The following NRG3 variants were observed in gnomAD, a reference collection of about 807,000 sequenced individuals.
NRG3 encodes neuregulin 3, also known as pro-neuregulin-3, membrane-bound isoform.
Under a neutral mutation model 66.9 loss-of-function variants are expected in NRG3, and 31 were observed. That is an observed-to-expected ratio of 0.46 (90% CI 0.35 to 0.63). The LOEUF (loss-of-function observed/expected upper bound fraction) is 0.63. Among genes scored for constraint, NRG3 ranks in the 20% least tolerant of loss-of-function variants. The pLI is 0.00. For missense variants in NRG3, 910 were observed against 878.9 expected (o/e 1.04, Z -0.45); for synonymous variants, 393 against 359.4 (o/e 1.09, Z -1.06).
chr10:82,226,484 T>C (rs1270076672), intron 1 of NRG3, among the ~76,000 whole-genome samples: 1 of 152,156 alleles, frequency 6.6e-6, no homozygotes, highest in African/African-American at 2.4e-5. Context: ...CTGTACCTAT[T>C]AGCTATTTGA....
At chr10:82,635,023 C>T (rs1425503145) in intron 2 of NRG3, among the ~76,000 whole-genome samples, 1 of 152,032 alleles carries the variant, frequency 6.6e-6, no homozygotes, top group African/African-American at 2.4e-5. Context: ...ATTAACAGAA[C>T]TAGAAAGAAT....
chr10:82,038,488 T>C (rs2062891734), intron 1 of NRG3, among the ~76,000 whole-genome samples: 1 of 152,122 alleles, frequency 6.6e-6, no homozygotes, highest in Non-Finnish European at 1.5e-5. Flanking sequence ...GGGGCAATGC[T>C]CATAAGTAAG....
At chr10:82,320,905 G>C (rs893336716) in intron 1 of NRG3, among the ~76,000 whole-genome samples, 1 of 152,144 alleles carries the variant, frequency 6.6e-6, no homozygotes, top group Non-Finnish European at 1.5e-5. Context: ...ACGAGCAGAA[G>C]AGCACGAGAG....
At chr10:82,614,599 T>G (rs2048520908) in intron 2 of NRG3, among the ~76,000 whole-genome samples, 1 of 152,168 alleles carries the variant, frequency 6.6e-6, no homozygotes, top group South Asian at 2.1e-4. Flanking sequence ...TCAAGGAAAC[T>G]GAAATTAACA....
chr10:82,213,923 C>T (rs183339365), intron 1 of NRG3, among the ~76,000 whole-genome samples: 14 of 152,094 alleles, frequency 9.2e-5, no homozygotes, highest in Non-Finnish European at 1.9e-4. Context: ...TGGTAAGAAC[C>T]CTGGTTCTGT....
chr10:82,741,476 G>C (rs1169434395), intron 3 of NRG3, among the ~76,000 whole-genome samples: 1 of 152,164 alleles, frequency 6.6e-6, no homozygotes, highest in Non-Finnish European at 1.5e-5. Context: ...CAGAGTCAAT[G>C]CCAGATAATG....
chr10:81,903,788 T>C (rs1844307344), intron 1 of NRG3, among the ~76,000 whole-genome samples: 1 of 152,174 alleles, frequency 6.6e-6, no homozygotes, highest in Non-Finnish European at 1.5e-5. Flanking sequence ...TCAACTGTTT[T>C]GTGTTTTCCA....
At chr10:82,279,017 A>T (rs776821715) in intron 1 of NRG3, among the ~76,000 whole-genome samples, 5 of 152,066 alleles carry the variant, frequency 3.3e-5, no homozygotes, top group Non-Finnish European at 5.9e-5. Flanking sequence ...CATTTCTTCA[A>T]CGTTTGCTTC....
chr10:82,782,398 T>G (rs1236996993), intron 3 of NRG3, among the ~76,000 whole-genome samples: 1 of 152,144 alleles, frequency 6.6e-6, no homozygotes, highest in Non-Finnish European at 1.5e-5. Flanking sequence ...TGCAGGTCCC[T>G]TGGCCTTGGA....
chr10:82,344,284 A>C (rs982798470), intron 1 of NRG3, among the ~76,000 whole-genome samples: 1 of 151,298 alleles, frequency 6.6e-6, no homozygotes, highest in Admixed American at 6.6e-5. Flanking sequence ...TCATTGTTCA[A>C]TTCCCACCTA....
intron 4 of NRG3, among the ~76,000 whole-genome samples, chr10:82,889,760 G>A (rs1842992801): frequency 6.6e-6 from 1 of 152,164 alleles, no homozygotes; most frequent in Admixed American, 6.5e-5. Flanking sequence ...TCCTGGGCTT[G>A]AAGGTGGAGT....
intron 2 of NRG3, among the ~76,000 whole-genome samples, chr10:82,574,255 T>C (rs544613501): frequency 6.6e-6 from 1 of 151,572 alleles, no homozygotes; most frequent in African/African-American, 2.4e-5. Flanking sequence ...AAACTGGAGG[T>C]CATATAATGT....
At chr10:82,430,414 T>G (rs1054458980) in intron 2 of NRG3, among the ~76,000 whole-genome samples, 1 of 151,866 alleles carries the variant, frequency 6.6e-6, no homozygotes, top group Non-Finnish European at 1.5e-5. Context: ...CCCACCACCA[T>G]GCCTGGCTAA....
chr10:82,020,583 T>A (rs1181170001), intron 1 of NRG3, among the ~76,000 whole-genome samples: 1 of 152,094 alleles, frequency 6.6e-6, no homozygotes, highest in Non-Finnish European at 1.5e-5. Flanking sequence ...TTTACCAGAT[T>A]TCAAAGACTT....
chr10:82,683,769 A>C (rs944424215), intron 2 of NRG3, among the ~76,000 whole-genome samples: 1 of 152,226 alleles, frequency 6.6e-6, no homozygotes, highest in Non-Finnish European at 1.5e-5. Flanking sequence ...TTTTGTGGTG[A>C]AATGGTTATG....
At chr10:82,232,318 A>G (rs2076520449) in intron 1 of NRG3, 1 of 156,844 alleles carries the variant, frequency 6.4e-6, no homozygotes, top group African/African-American at 2.4e-5. Context: ...CTGTTTTAAC[A>G]TGGATTGGAT....
intron 1 of NRG3, among the ~76,000 whole-genome samples, chr10:82,179,196 T>C (rs2073244623): frequency 6.6e-6 from 1 of 152,004 alleles, no homozygotes; most frequent in Non-Finnish European, 1.5e-5. Flanking sequence ...ATTGTGTAGG[T>C]TACCTTTTCA....
In NRG3 at chr10:82,374,334, A is replaced by G. The variant is rs375603028; in HGVS notation, c.953+15466A>G. ...GGTCGCTTCCTCAAAGACGCCCACC[A>G]GTAGGTAGGAGGTCTGATCGCCAGT... is the stretch of plus-strand genomic sequence containing the variant. On this transcript the variant is annotated intron_variant, in intron 2 of 8. Transcript: ENST00000372141. Among the ~76,000 whole-genome samples the G allele has an allele frequency of 2.8e-3, 421 of 152,298 alleles. 1 individual carries two copies. Among genetic ancestry groups the G allele is most frequent in the South Asian group, 0.015 (73 of 4,822 alleles).
chr10:82,150,420 C>T (rs772459962), intron 1 of NRG3, among the ~76,000 whole-genome samples: 1 of 151,520 alleles, frequency 6.6e-6, no homozygotes, highest in African/African-American at 2.4e-5. Flanking sequence ...CCGCCAACTC[C>T]GCCCAATCCC....
Sources: gnomAD v4.1 joint callset for allele counts (sites outside exome capture counted in the v4.1 genomes callset) on GRCh38, gnomAD v4.1.1 for gene constraint, MANE v1.5 for transcripts, NCBI Gene and HGNC (gene_info 2026-07-23, HGNC 2026-07-21) for gene names.